Variants in MSI2 observed in about 807,000 individuals in gnomAD.
MSI2 encodes RNA-binding protein Musashi homolog 2.
MSI2 carries 17 observed loss-of-function variants against 45.6 expected under a neutral mutation model. The ratio of observed to expected loss-of-function variants is 0.37; its 90% CI spans 0.26 to 0.56. The LOEUF (loss-of-function observed/expected upper bound fraction) is 0.56. Among genes scored for constraint, MSI2 ranks in the 20% least tolerant of loss-of-function variants. The pLI, the probability that MSI2 is intolerant of heterozygous loss-of-function variation, is 0.77. For synonymous variants in MSI2, 156 were observed against 158.2 expected (o/e 0.99, Z 0.11); for missense variants, 293 against 444.2 (o/e 0.66, Z 3.06).
At chr17:57,313,061 G>A (rs1319565349) in intron 5 of MSI2, among the ~76,000 whole-genome samples, 1 of 152,098 alleles carries the variant, frequency 6.6e-6, no homozygotes, top group Admixed American at 6.5e-5. Context: ...TGACCAGGAT[G>A]GTCTTGATCT....
chr17:57,511,714 TC>T (rs1304740468), intron 6 of MSI2, among the ~76,000 whole-genome samples: 1 of 152,118 alleles, frequency 6.6e-6, no homozygotes, highest in Non-Finnish European at 1.5e-5. Flanking sequence ...CTGTTGGATG[TC>T]CCCCAGGCTA....
At chr17:57,358,401 C>T (rs762270097) in intron 5 of MSI2, among the ~76,000 whole-genome samples, 3 of 152,084 alleles carry the variant, frequency 2.0e-5, no homozygotes, top group African/African-American at 4.8e-5. Flanking sequence ...GGCCAGGCTG[C>T]GTCCATTTGA....
chr17:57,613,077 CT>C (rs2144547657), intron 8 of MSI2, among the ~76,000 whole-genome samples: 1 of 152,280 alleles, frequency 6.6e-6, no homozygotes, highest in African/African-American at 2.4e-5. Flanking sequence ...CCTTTCCCCC[CT>C]ACCTGCAATG....
intron 5 of MSI2, among the ~76,000 whole-genome samples, chr17:57,397,331 G>C (rs573943261): frequency 1.3e-5 from 2 of 152,220 alleles, no homozygotes; most frequent in African/African-American, 2.4e-5. Flanking sequence ...CAGGTTTAAA[G>C]TTCCAGGGAT....
chr17:57,420,834 C>T (rs1218241694), intron 6 of MSI2, among the ~76,000 whole-genome samples: 3 of 152,190 alleles, frequency 2.0e-5, no homozygotes, highest in Non-Finnish European at 4.4e-5. Context: ...AGATAGTTGC[C>T]AACATCTGGT....
chr17:57,526,181 T>C (rs113439379), intron 6 of MSI2, among the ~76,000 whole-genome samples: 1 of 151,954 alleles, frequency 6.6e-6, no homozygotes, highest in African/African-American at 2.4e-5. Context: ...GCCAAGATCA[T>C]GCCATTGCAC....
Position 57,658,055 on chromosome 17 carries a change from C to A in MSI2, c.790+5894C>A, listed in dbSNP as rs577871705. On this transcript the variant is annotated intron_variant, in intron 11 of 13. Coordinates refer to ENST00000284073, the MANE Select transcript of MSI2 (RefSeq NM_138962.4). ...TGTGTGCCTTCATTTCTGAAGATGG[C>A]TTTCCTGTGCTTCATGAGCAAGATC... 2.0e-5 allele frequency among the ~76,000 whole-genome samples: 3 copies of A among 152,308 alleles called. No homozygotes were observed. The East Asian group carries it at 5.8e-4, about 29-fold the overall frequency.
intron 7 of MSI2, among the ~76,000 whole-genome samples, chr17:57,553,593 G>A (rs542701236): frequency 6.6e-5 from 10 of 152,258 alleles, no homozygotes; most frequent in East Asian, 1.9e-4. Flanking sequence ...TCTGAGGTCC[G>A]TTTTTTTCTT....
chr17:57,516,983 C>G (rs2086482303), intron 6 of MSI2, among the ~76,000 whole-genome samples: 1 of 152,206 alleles, frequency 6.6e-6, no homozygotes, highest in African/African-American at 2.4e-5. Context: ...TATGATCCTC[C>G]CTGAACAAGA....
At chr17:57,341,387 G>A (rs114676516) in intron 5 of MSI2, among the ~76,000 whole-genome samples, 59 of 152,364 alleles carry the variant, frequency 3.9e-4, no homozygotes, top group African/African-American at 1.3e-3. Flanking sequence ...TGAGTTAAGT[G>A]TAACTAAAGT....
At chr17:57,299,203 A>G (rs990503924) in intron 5 of MSI2, among the ~76,000 whole-genome samples, 1 of 152,204 alleles carries the variant, frequency 6.6e-6, no homozygotes, top group Non-Finnish European at 1.5e-5. Context: ...TTGATCTTCT[A>G]TCCAGATAAT....
chr17:57,394,026 T>C (rs2083844783), intron 5 of MSI2, among the ~76,000 whole-genome samples: 1 of 152,182 alleles, frequency 6.6e-6, no homozygotes, highest in Non-Finnish European at 1.5e-5. Context: ...CAGACAACGC[T>C]GTGTTTAATC....
chr17:57,466,179 G>A (rs2085327058), intron 6 of MSI2, among the ~76,000 whole-genome samples: 1 of 152,124 alleles, frequency 6.6e-6, no homozygotes, highest in Non-Finnish European at 1.5e-5. Context: ...TTCTCAATTT[G>A]GACCCAACGT....
intron 6 of MSI2, among the ~76,000 whole-genome samples, chr17:57,422,386 G>A (rs2084411809): frequency 6.6e-6 from 1 of 152,154 alleles, no homozygotes; most frequent in Non-Finnish European, 1.5e-5. Flanking sequence ...CTTGAACCCA[G>A]GAGACGGAGG....
rs553106588 is a variant in MSI2, at chr17:57,551,815, G to A, written c.454+22091G>A. On this transcript the variant is annotated intron_variant, in intron 7 of 13. Coordinates refer to ENST00000284073, the MANE Select transcript of MSI2 (RefSeq NM_138962.4). The stretch of plus-strand genomic sequence containing the variant: ...GGGCGTGAAAGCTGGAAACAGTGGC[G>A]TCCATTGCTTGGGGCAAGGATTGAC... Among the ~76,000 whole-genome samples, 17 of 152,296 alleles carry A rather than the reference G, an allele frequency of 1.1e-4. No individual in the cohort carries two copies. The South Asian group carries it at 2.7e-3, about 24-fold the overall frequency.
chr17:57,644,581 G>A (rs537738501), intron 10 of MSI2, among the ~76,000 whole-genome samples: 3 of 152,100 alleles, frequency 2.0e-5, no homozygotes, highest in Admixed American at 1.3e-4. Context: ...CTACATTCTG[G>A]GTGACAGTTT....
intron 5 of MSI2, among the ~76,000 whole-genome samples, chr17:57,395,806 T>C (rs1007078854): frequency 6.6e-5 from 10 of 152,240 alleles, no homozygotes; most frequent in Non-Finnish European, 1.3e-4. Context: ...TTCTTCAGTG[T>C]CACTGGACAG....
At chr17:57,367,285 ATGT>A (rs963812894) in intron 5 of MSI2, among the ~76,000 whole-genome samples, 3 of 152,072 alleles carry the variant, frequency 2.0e-5, no homozygotes, top group Admixed American at 6.5e-5. Context: ...TGTGATTAAA[ATGT>A]TTTTTTTTCC....
intron 5 of MSI2, among the ~76,000 whole-genome samples, chr17:57,353,833 A>G (rs151135962): frequency 1.3e-5 from 2 of 152,184 alleles, no homozygotes; most frequent in South Asian, 4.1e-4. Flanking sequence ...TCCCCCATCC[A>G]TGAGCAGTAA....
Sources: allele counts gnomAD v4.1 joint callset (sites outside exome capture counted in the v4.1 genomes callset), GRCh38; gene constraint gnomAD v4.1.1; transcripts MANE v1.5; gene names NCBI Gene and HGNC (gene_info 2026-07-23, HGNC 2026-07-21).